The following S100Z variants were observed in gnomAD, a reference collection of about 807,000 sequenced individuals.
The protein encoded by S100Z is S100 calcium binding protein Z.
Under a neutral mutation model 8.5 loss-of-function variants are expected in S100Z, and 11 were observed. The observed-to-expected ratio is 1.30, with a 90% CI of 0.82 to 2.15. The LOEUF is 2.15. Ranked by LOEUF, S100Z falls within the 30% of genes most tolerant of loss-of-function variation. The probability of loss-of-function intolerance (pLI) is 0.00; values close to 1 mark genes in which losing one functional copy is unlikely to be tolerated. For missense variants in S100Z, 126 were observed against 117.9 expected (o/e 1.07, Z -0.32); for synonymous variants, 34 against 43.8 (o/e 0.78, Z 0.89).
At chr5:76,912,295 G>T (rs918688281) in intron 4 of S100Z, among the ~76,000 whole-genome samples, 1 of 152,168 alleles carries the variant, frequency 6.6e-6, no homozygotes, top group Admixed American at 6.5e-5. Context: ...TTCTCCCAGA[G>T]GATGGGGACC....
chr5:76,927,359 T>TCAG, the S100Z span, among the ~76,000 whole-genome samples: 3 of 152,204 alleles, frequency 2.0e-5, 1 homozygote, highest in African/African-American at 7.2e-5. Flanking sequence ...GTTCCAGGTG[T>TCAG]CAGTGGAAGA....
At chr5:76,888,970 G>C (rs2150658674) in intron 4 of S100Z, among the ~76,000 whole-genome samples, 1 of 152,304 alleles carries the variant, frequency 6.6e-6, no homozygotes, top group South Asian at 2.1e-4. Context: ...ATGTCCCCAT[G>C]TGTGTAGAAC....
At chr5:76,888,558 G>C (rs1743737886) in intron 4 of S100Z, among the ~76,000 whole-genome samples, 1 of 150,858 alleles carries the variant, frequency 6.6e-6, no homozygotes, top group Non-Finnish European at 1.5e-5. Flanking sequence ...TTGTATTTTT[G>C]GTAGAGACGA....
intron 4 of S100Z, among the ~76,000 whole-genome samples, chr5:76,894,450 A>C (rs973077169): frequency 2.6e-5 from 4 of 152,116 alleles, no homozygotes; most frequent in Non-Finnish European, 4.4e-5. Flanking sequence ...ATCTCTCCAA[A>C]ACATGTTACA....
At chr5:76,917,440 A>T (rs1165258106) in intron 4 of S100Z, among the ~76,000 whole-genome samples, 1 of 152,172 alleles carries the variant, frequency 6.6e-6, no homozygotes, top group Non-Finnish European at 1.5e-5. Context: ...GTACTTACAC[A>T]GTTTCATGAT....
At chr5:76,884,764 A>C (rs1489826187) in intron 4 of S100Z, among the ~76,000 whole-genome samples, 1 of 152,128 alleles carries the variant, frequency 6.6e-6, no homozygotes, top group African/African-American at 2.4e-5. Context: ...TAGGGTGCGG[A>C]AGCAGAGGCT....
intron 3 of S100Z, among the ~76,000 whole-genome samples, chr5:76,876,882 TCAACAC>T: frequency 1.3e-5 from 2 of 152,306 alleles, no homozygotes; most frequent in Middle Eastern, 6.8e-3. Context: ...ACACTCCTCA[TCAACAC>T]CAGTCACAGG....
intron 1 of S100Z, among the ~76,000 whole-genome samples, chr5:76,864,414 T>TG: frequency 1.5e-5 from 2 of 129,928 alleles, no homozygotes; most frequent in Non-Finnish European, 3.1e-5. Context: ...TTTTTTTTTT[T>TG]TTTTTGAGAT....
At chr5:76,882,472 A>G (rs561833430) in intron 4 of S100Z, among the ~76,000 whole-genome samples, 47 of 152,204 alleles carry the variant, frequency 3.1e-4, no homozygotes, top group Admixed American at 7.9e-4. Flanking sequence ...TGGCAAAAGG[A>G]TTTAGGATCT....
At chr5:76,930,160 A>G in the S100Z span, among the ~76,000 whole-genome samples, 1 of 152,254 alleles carries the variant, frequency 6.6e-6, no homozygotes, top group African/African-American at 2.4e-5. Flanking sequence ...GCTAGAAAAC[A>G]GCCAGGGATT....
downstream of S100Z, among the ~76,000 whole-genome samples, chr5:76,926,155 AGG>A (rs1745133234): frequency 2.6e-5 from 4 of 151,706 alleles, no homozygotes; most frequent in South Asian, 8.3e-4. Context: ...TTTTTTTCTG[AGG>A]AATGATGATT....
intron 1 of S100Z, among the ~76,000 whole-genome samples, chr5:76,868,623 C>CTTT (rs35398110): frequency 7.4e-4 from 91 of 122,796 alleles, no homozygotes; most frequent in African/African-American, 1.6e-3. Flanking sequence ...AATTCAAACT[C>CTTT]TTTTTTTTTT....
At chr5:76,927,527 C>T in the S100Z span, among the ~76,000 whole-genome samples, 1 of 152,206 alleles carries the variant, frequency 6.6e-6, no homozygotes, top group Admixed American at 6.5e-5. Context: ...TCCACCACTA[C>T]TCAGCCACAA....
intron 4 of S100Z, among the ~76,000 whole-genome samples, chr5:76,899,088 C>A (rs1439434549): frequency 6.6e-6 from 1 of 151,956 alleles, no homozygotes; most frequent in African/African-American, 2.4e-5. Context: ...GGATTACAGA[C>A]ACGTGCCACC....
the S100Z span, among the ~76,000 whole-genome samples, chr5:76,951,064 G>C: frequency 6.6e-6 from 1 of 151,522 alleles, no homozygotes; most frequent in Admixed American, 6.6e-5. Context: ...CACTGGCTTA[G>C]TAGATATTTA....
At chr5:76,943,449 G>C in the S100Z span, among the ~76,000 whole-genome samples, 2 of 152,222 alleles carry the variant, frequency 1.3e-5, no homozygotes, top group East Asian at 3.8e-4. Flanking sequence ...TTTGTGAGAA[G>C]AGTGTCAAAG....
chr5:76,938,328 G>A, the S100Z span, among the ~76,000 whole-genome samples: 33 of 152,150 alleles, frequency 2.2e-4, no homozygotes, highest in Non-Finnish European at 1.9e-4. Context: ...ACTCAAAAAG[G>A]CAGGGGAAGG....
At chr5:76,857,441 G>A (rs1219210823) in intron 1 of S100Z, among the ~76,000 whole-genome samples, 1 of 151,916 alleles carries the variant, frequency 6.6e-6, no homozygotes, top group Non-Finnish European at 1.5e-5. Flanking sequence ...TCTCTGAGAT[G>A]GCATTTTGTC....
the S100Z span, among the ~76,000 whole-genome samples, chr5:76,943,743 T>TA: frequency 7.2e-6 from 1 of 139,256 alleles, no homozygotes; most frequent in Non-Finnish European, 1.6e-5. Flanking sequence ...TTCTGATAGT[T>TA]ACTCCCACAT....
Sources: gnomAD v4.1 joint callset for allele counts (sites outside exome capture counted in the v4.1 genomes callset) on GRCh38, gnomAD v4.1.1 for gene constraint, MANE v1.5 for transcripts, NCBI Gene and HGNC (gene_info 2026-07-23, HGNC 2026-07-21) for gene names.